MLXIP: variants seen among roughly 807,000 people sequenced by gnomAD.
MLXIP encodes the protein MLX interacting protein, also known as MLX-interacting protein.
A neutral mutation model predicts 87.2 loss-of-function variants in MLXIP; 30 were observed. The ratio of observed to expected loss-of-function variants is 0.34; its 90% CI spans 0.26 to 0.47. The LOEUF (loss-of-function observed/expected upper bound fraction) is 0.47, where lower values mean the gene tolerates loss of function less well. MLXIP is among the 20% of genes least tolerant of loss of function. The pLI, the probability that MLXIP is intolerant of heterozygous loss-of-function variation, is 1.00. For synonymous variants in MLXIP, 530 were observed against 514.0 expected (o/e 1.03, Z -0.42); for missense variants, 1,002 against 1,240.1 (o/e 0.81, Z 2.88).
In MLXIP at chr12:122,127,906, G is replaced by C. The variant is rs762555531; in HGVS notation, c.544G>C (p.Val182Leu). ...AGATCTGGAGAAGCGCAAGAATCCT[G>C]TGTGCCACTTTGTGACACCCCTGGA... ...MQYLEKRKNP[V>L]CHFVTPLDGS... The change falls in exon 3 of 17, where the codon GTG (valine) becomes CTG (leucine). Residue 182 changes from valine to leucine, a missense_variant. By Grantham distance (32) the Val-to-Leu change is conservative. Around this residue, in one of 3 missense-constraint regions of MLXIP, gnomAD observed 127 missense variants for 239.0 expected, o/e 0.53. Transcript: ENST00000319080. 2 of 1,613,698 alleles carry C rather than the reference G, an allele frequency of 1.2e-6. No individual in the cohort carries two copies. Among genetic ancestry groups the C allele is most frequent in the African/African-American group, 2.7e-5 (2 of 74,906 alleles).
intron 9 of MLXIP, 27 bp downstream of exon 9, chr12:122,134,014 G>A (rs767077684): frequency 1.9e-5 from 30 of 1,570,270 alleles, no homozygotes; most frequent in Middle Eastern, 1.7e-4. Flanking sequence ...GACTCAGTGC[G>A]GGGCTCCCCC....
intron 1 of MLXIP, among the ~76,000 whole-genome samples, chr12:122,087,706 G>A (rs968735038): frequency 6.6e-6 from 1 of 152,194 alleles, no homozygotes; most frequent in African/African-American, 2.4e-5. Flanking sequence ...GGGAGTACTG[G>A]TTTATCTCCA....
At chr12:122,107,161 T>C (rs1309652792) in intron 1 of MLXIP, among the ~76,000 whole-genome samples, 4 of 152,152 alleles carry the variant, frequency 2.6e-5, no homozygotes, top group African/African-American at 4.8e-5. Context: ...GCCTGAGAGC[T>C]GATGGTGCAG....
intron 1 of MLXIP, among the ~76,000 whole-genome samples, chr12:122,095,890 G>A (rs1952343992): frequency 6.6e-6 from 1 of 151,122 alleles, no homozygotes. Flanking sequence ...TTTTGAGACA[G>A]AATCTCGCTC....
At chr12:122,138,126 G>A (rs1055328876) in intron 12 of MLXIP, 68 bp from the exon 13 acceptor site, 2 of 1,385,012 alleles carry the variant, frequency 1.4e-6, no homozygotes, top group Non-Finnish European at 2.0e-6. Flanking sequence ...ATCAGCGTAG[G>A]GGGTGAGGAA....
chr12:122,085,810 T>C (rs995896907), intron 1 of MLXIP, among the ~76,000 whole-genome samples: 1 of 152,012 alleles, frequency 6.6e-6, no homozygotes, highest in Non-Finnish European at 1.5e-5. Flanking sequence ...CTTGGACAGG[T>C]GTGGTGGGCA....
In MLXIP at chr12:122,129,129, T is replaced by C; in HGVS notation, c.607-8T>C. On this transcript the variant is annotated splice_region_variant and splice_polypyrimidine_tract_variant and intron_variant, in intron 3 of 16. Coordinates refer to ENST00000319080, the MANE Select transcript of MLXIP (RefSeq NM_014938.6). ...CCCTCTTCACTCTGCTCTCTGTCCC[T>C]GTCCTAGGCCATCACCACGGAAGGG... 6 of 1,603,550 alleles carry C rather than the reference T, an allele frequency of 3.7e-6. No homozygotes were observed. Among genetic ancestry groups the C allele is most frequent in the Non-Finnish European group, 5.1e-6 (6 of 1,174,992 alleles).
At position 122,135,178 on chromosome 12, in the gene MLXIP, C is replaced by T. The variant is rs1411262100; in HGVS notation, c.1733-46C>T. ...GGCAGCCTCTGCAGGGTGGGCCAGG[C>T]CCTGTGGCCCAGGGCTGCACCTGAA... On this transcript the variant is annotated intron_variant, in intron 9 of 16. Transcript: ENST00000319080. The surrounding 1 kb of genome is among the most constrained non-coding windows in gnomAD (Gnocchi z 5.3). 2 of 1,603,974 alleles carry T rather than the reference C, an allele frequency of 1.2e-6. No individual in the cohort carries two copies. The highest frequency in any genetic ancestry group is 1.1e-5 in the South Asian group (1 of 89,482).
intron 1 of MLXIP, among the ~76,000 whole-genome samples, chr12:122,121,307 CTT>C (rs35967072): frequency 1.9e-4 from 22 of 118,210 alleles, no homozygotes; most frequent in African/African-American, 2.7e-4. Flanking sequence ...TGTGCCCAGC[CTT>C]TTTTTTTTTT....
At chr12:122,099,387 G>A (rs1952402950) in intron 1 of MLXIP, among the ~76,000 whole-genome samples, 1 of 152,242 alleles carries the variant, frequency 6.6e-6, no homozygotes, top group Non-Finnish European at 1.5e-5. Flanking sequence ...GACCCCAGCT[G>A]TTGCAGCCAG....
intron 1 of MLXIP, among the ~76,000 whole-genome samples, chr12:122,103,229 ATT>A (rs1565965651): frequency 3.5e-3 from 159 of 45,876 alleles, no homozygotes; most frequent in Middle Eastern, 0.026. Flanking sequence ...TTATTTATTT[ATT>A]TATTTATTTT....
At position 122,144,717 on chromosome 12, in the gene MLXIP, C is replaced by G. The variant is rs1953269525; in HGVS notation, c.*2905C>G. 1.3e-5 allele frequency: 2 copies of G among 152,100 alleles called. No individual in the cohort carries two copies. The highest frequency in any genetic ancestry group is 2.1e-4 in the South Asian group (1 of 4,830). The allele number at this position is 152,100 out of a possible 1,614,324, so 9.4% of individuals were successfully genotyped here. A position where few individuals can be genotyped will look rare whatever the true frequency, so the allele number is the denominator to read the frequency against. ...CCTGACCAACATGGTGAAACCCTGT[C>G]TATACTAAAAATACAAAACATTAGC... is the stretch of plus-strand genomic sequence containing the variant. On this transcript the variant is annotated 3_prime_UTR_variant, in exon 17 of 17. Coordinates refer to ENST00000319080, the MANE Select transcript of MLXIP (RefSeq NM_014938.6).
At chr12:122,103,205 ATTTATTTATT>A (rs1952464519) in intron 1 of MLXIP, among the ~76,000 whole-genome samples, 3 of 20,128 alleles carry the variant, frequency 1.5e-4, no homozygotes, top group Non-Finnish European at 3.2e-4. Flanking sequence ...GTATGTATTT[ATTTATTTATT>A]TATTTATTTA....
rs1480631728 is a variant in MLXIP at position 122,144,895 on chromosome 12, AAAG to A, written c.*3089_*3091del. On this transcript the variant is annotated 3_prime_UTR_variant, in exon 17 of 17. Transcript: ENST00000319080. Reference sequence around the variant, plus strand: ...GAGCAAAACCCTATCTCAAAAAAAAAAAGAAGAAAAAAATAGAAAATCCAAAAA... The same window carrying A: ...GAGCAAAACCCTATCTCAAAAAAAAAAAGAAAAAAATAGAAAATCCAAAAA... 6.6e-6 allele frequency: 1 copy of A among 152,356 alleles called. No homozygotes were observed. The highest frequency in any genetic ancestry group is 2.1e-4 in the South Asian group (1 of 4,830). The allele number at this position is 152,356 out of a possible 1,614,324, so 9.4% of individuals were successfully genotyped here.
At chr12:122,114,182 C>T (rs946235990) in intron 1 of MLXIP, among the ~76,000 whole-genome samples, 55 of 151,396 alleles carry the variant, frequency 3.6e-4, no homozygotes, top group Non-Finnish European at 4.3e-4. Context: ...GACAGGGTTT[C>T]ATCATGTTGG....
At chr12:122,134,925 C>T (rs1050124348) in intron 9 of MLXIP, 16 of 366,072 alleles carry the variant, frequency 4.4e-5, no homozygotes, top group Non-Finnish European at 6.9e-5. Context: ...CCACCTGCCT[C>T]GGCCTCCCAA....
At chr12:122,136,864 T>C (rs1408051290) in intron 11 of MLXIP, 1 of 152,180 alleles carries the variant, frequency 6.6e-6, no homozygotes, top group Non-Finnish European at 1.5e-5. Flanking sequence ...GGGCCAACCA[T>C]TGCCTTGGTC....
intron 3 of MLXIP, chr12:122,128,803 T>C: frequency 4.1e-6 from 1 of 244,416 alleles, no homozygotes; most frequent in Non-Finnish European, 8.0e-6. Context: ...AAGGGGCATT[T>C]ATGGGGGGGC....
In MLXIP at chr12:122,135,157, G is replaced by T; in HGVS notation, c.1733-67G>T. 1 of 1,579,294 alleles carries T rather than the reference G, an allele frequency of 6.3e-7. No individual in the cohort carries two copies. ...AAGCTGTCTCACTGGCAGAGAGGCA[G>T]CCTCTGCAGGGTGGGCCAGGCCCTG... On this transcript the variant is annotated intron_variant, in intron 9 of 16. Coordinates refer to ENST00000319080, the MANE Select transcript of MLXIP (RefSeq NM_014938.6). The surrounding 1 kb of genome is among the most constrained non-coding windows in gnomAD (Gnocchi z 5.3).
Sources: gnomAD v4.1 joint callset for allele counts (sites outside exome capture counted in the v4.1 genomes callset) on GRCh38, gnomAD v4.1.1 for gene constraint, gnomAD v4.1.1 regional missense constraint, Gnocchi (gnomAD v3.1) non-coding constraint, MANE v1.5 for transcripts, NCBI Gene and HGNC (gene_info 2026-07-23, HGNC 2026-07-21) for gene names.